Variants in TLN2 observed in about 807,000 individuals in gnomAD.
The protein encoded by TLN2 is talin-2.
A neutral mutation model predicts 294.7 loss-of-function variants in TLN2; 118 were observed. The observed-to-expected ratio is 0.40, with a 90% CI of 0.34 to 0.47. The LOEUF (loss-of-function observed/expected upper bound fraction) is 0.47. TLN2 is among the 20% of genes least tolerant of loss of function. The pLI is 0.84. For missense variants in TLN2, 3,083 were observed against 3,282.2 expected (o/e 0.94, Z 1.48); for synonymous variants, 1,431 against 1,304.5 (o/e 1.10, Z -2.09).
intron 1 of TLN2, among the ~76,000 whole-genome samples, chr15:62,469,989 T>C (rs929072724): frequency 2.6e-5 from 4 of 152,128 alleles, no homozygotes; most frequent in African/African-American, 9.7e-5. Context: ...CGCATGCACA[T>C]GTAAGTCCAG....
rs527506662 is a variant in TLN2 at position 62,687,026 on chromosome 15, A to G, written c.1113+230A>G. ...GCACTACTGCTTCTCTGCACTCTAC[A>G]TAAGTCAGCCTCTAGTTCATTATCT... On this transcript the variant is annotated intron_variant, in intron 12 of 58. Coordinates refer to ENST00000636159, the MANE Select transcript of TLN2 (RefSeq NM_015059.3). 5.5e-4 allele frequency among the ~76,000 whole-genome samples: 84 copies of G among 152,332 alleles called. 1 individual carries two copies. In the East Asian group the frequency reaches 6.9e-3, roughly 13 times the overall value.
At chr15:62,467,624 G>C (rs931395453) in intron 1 of TLN2, among the ~76,000 whole-genome samples, 31 of 152,162 alleles carry the variant, frequency 2.0e-4, no homozygotes, top group Admixed American at 1.8e-3. Context: ...GGTAGAGGTT[G>C]CGGTGAGCTG....
chr15:62,650,879 G>A (rs1361316262), intron 5 of TLN2, among the ~76,000 whole-genome samples: 1 of 152,010 alleles, frequency 6.6e-6, no homozygotes, highest in East Asian at 1.9e-4. Context: ...TAGTAAACAA[G>A]TTACTTAAAA....
chr15:62,690,083 G>A (rs1376591284), intron 12 of TLN2, among the ~76,000 whole-genome samples: 2 of 107,992 alleles, frequency 1.9e-5, no homozygotes, highest in African/African-American at 4.2e-5. Context: ...CGGGGCGGCC[G>A]GCCGGGCGGG....
chr15:62,787,801 C>T (rs548772472), intron 45 of TLN2, among the ~76,000 whole-genome samples: 220 of 149,266 alleles, frequency 1.5e-3, no homozygotes, highest in African/African-American at 5.2e-3. Flanking sequence ...AAGCGATTCT[C>T]CTGCCTCAGC....
chr15:62,566,894 A>T (rs1230374732), intron 1 of TLN2, among the ~76,000 whole-genome samples: 1 of 151,690 alleles, frequency 6.6e-6, no homozygotes, highest in Non-Finnish European at 1.5e-5. Context: ...ATCTGCTGTC[A>T]TTGTAACCCT....
At chr15:62,647,973 A>G (rs2052096481) in intron 4 of TLN2, among the ~76,000 whole-genome samples, 2 of 152,162 alleles carry the variant, frequency 1.3e-5, no homozygotes, top group Admixed American at 1.3e-4. Flanking sequence ...CTGAGTTTAA[A>G]CAAAAGCCAC....
intron 1 of TLN2, among the ~76,000 whole-genome samples, chr15:62,570,903 C>CTGTGTGTGTGTGTG (rs58523803): frequency 2.4e-4 from 35 of 143,834 alleles, no homozygotes; most frequent in African/African-American, 7.6e-4. Context: ...GCACAGGCAT[C>CTGTGTGTGTGTGTG]TGTGTGTGTG....
chr15:62,727,236 G>A (rs2060487888), intron 28 of TLN2, 47 bp downstream of exon 28: 1 of 1,529,394 alleles, frequency 6.5e-7, no homozygotes, highest in Non-Finnish European at 9.0e-7. Flanking sequence ...TCAGGCCACT[G>A]GGTGTAGTGG....
chr15:62,835,895 G>A lies in TLN2; in HGVS notation c.7196G>A (p.Arg2399Gln), dbSNP rs753017530. 3.4e-5 allele frequency: 55 copies of A among 1,614,188 alleles called. No individual in the cohort carries two copies. The highest frequency in any genetic ancestry group is 4.6e-5 in the Non-Finnish European group (54 of 1,180,018). Residue 2399 changes from arginine (R) to glutamine (Q), a missense_variant, in exon 57 of 59, where the codon CGG becomes CAG. Coordinates refer to ENST00000636159, the MANE Select transcript of TLN2 (RefSeq NM_015059.3). Reference protein sequence around the residue: ...QWSQGLISAARMVAAATSSLC... With the variant: ...QWSQGLISAAQMVAAATSSLC... ...TTCTCCGTTGACTGTCCCCAGGCCC[G>A]GATGGTGGCGGCTGCGACCAGCAGT...
intron 1 of TLN2, among the ~76,000 whole-genome samples, chr15:62,509,050 A>G (rs2039788429): frequency 6.6e-6 from 1 of 152,218 alleles, no homozygotes; most frequent in South Asian, 2.1e-4. Flanking sequence ...TTTTACAGAT[A>G]AAGAAACTAA....
At chr15:62,774,437 A>C (rs1401644285) in intron 42 of TLN2, among the ~76,000 whole-genome samples, 1 of 152,138 alleles carries the variant, frequency 6.6e-6, no homozygotes, top group African/African-American at 2.4e-5. Flanking sequence ...AACAGGCCTT[A>C]ATTGAGATCC....
chr15:62,604,694 CTT>C (rs59233796), intron 2 of TLN2, among the ~76,000 whole-genome samples: 6,658 of 137,680 alleles, frequency 0.048, 295 homozygotes, highest in African/African-American at 0.11. Flanking sequence ...TCTTCGTCTT[CTT>C]TTTTTTTTTT....
chr15:62,761,631 A>T (rs1295484621), intron 37 of TLN2, 50 bp from the exon 38 acceptor site: 16 of 1,611,592 alleles, frequency 9.9e-6, no homozygotes, highest in Non-Finnish European at 1.4e-5. Context: ...TGGTTCAGAA[A>T]TAATTTGTGC....
At chr15:62,636,969 C>A (rs958527645) in intron 3 of TLN2, among the ~76,000 whole-genome samples, 8 of 152,286 alleles carry the variant, frequency 5.3e-5, no homozygotes, top group African/African-American at 1.4e-4. Flanking sequence ...TCCCCCACCC[C>A]AACCCCACGT....
chr15:62,682,804 C>G (rs1209374837), intron 11 of TLN2: 1 of 152,102 alleles, frequency 6.6e-6, no homozygotes, highest in Non-Finnish European at 1.5e-5. Flanking sequence ...CAGAAAATCA[C>G]GTGTAACCCT....
At chr15:62,504,429 C>T (rs1469109592) in intron 1 of TLN2, among the ~76,000 whole-genome samples, 1 of 152,156 alleles carries the variant, frequency 6.6e-6, no homozygotes, top group Non-Finnish European at 1.5e-5. Flanking sequence ...TCAAGGTATA[C>T]GTCAAAGCTA....
At chr15:62,393,849 CT>C (rs35651315) in intron 1 of TLN2, among the ~76,000 whole-genome samples, 3,294 of 138,116 alleles carry the variant, frequency 0.024, 101 homozygotes, top group African/African-American at 0.078. Flanking sequence ...TTGCCTGATT[CT>C]TTTTTTTTTT....
intron 1 of TLN2, among the ~76,000 whole-genome samples, chr15:62,493,836 C>T (rs185547435): frequency 0.011 from 1,713 of 152,240 alleles, 12 homozygotes; most frequent in Middle Eastern, 0.034. Context: ...GTCTCGATCT[C>T]CTGACCTCAG....
Sources: gnomAD v4.1 joint callset for allele counts (sites outside exome capture counted in the v4.1 genomes callset) on GRCh38, gnomAD v4.1.1 for gene constraint, MANE v1.5 for transcripts, NCBI Gene and HGNC (gene_info 2026-07-23, HGNC 2026-07-21) for gene names.